SYCP2: variants seen among roughly 807,000 people sequenced by gnomAD.
The protein encoded by SYCP2 is synaptonemal complex protein 2, also known as synaptonemal complex lateral element protein.
A neutral mutation model predicts 211.3 loss-of-function variants in SYCP2; 55 were observed. That is an observed-to-expected ratio of 0.26 (90% CI 0.21 to 0.33). SYCP2 has a LOEUF of 0.33. Ranked by LOEUF, SYCP2 falls within the 10% of genes least tolerant of loss-of-function variation. The probability of loss-of-function intolerance (pLI) is 1.00; values close to 1 mark genes in which losing one functional copy is unlikely to be tolerated. For missense variants in SYCP2, 1,731 were observed against 1,752.0 expected (o/e 0.99, Z 0.21); for synonymous variants, 570 against 555.2 (o/e 1.03, Z -0.37).
Position 59,910,374 on chromosome 20 carries a change from A to ATTTTTTTTTTT in SYCP2, c.972+1365_972+1375dup, listed in dbSNP as rs898302276. ...GTATACTGCTATAGTGTAATTGCTT[A>ATTTTTTTTTTT]TTTTTTTTTTTTTTTTTTTTTTTTT... On this transcript the variant is annotated intron_variant, in intron 14 of 44. Coordinates refer to ENST00000357552, the MANE Select transcript of SYCP2 (RefSeq NM_014258.4). Among the ~76,000 whole-genome samples, 21 of 76,236 alleles carry ATTTTTTTTTTT rather than the reference A, an allele frequency of 2.8e-4. 2 individuals are homozygous for ATTTTTTTTTTT. Among genetic ancestry groups the ATTTTTTTTTTT allele is most frequent in the African/African-American group, 1.0e-3 (17 of 16,902 alleles). The allele number at this position is 76,236 out of a possible 152,430, so 50.0% of individuals were successfully genotyped here. A position where few individuals can be genotyped will look rare whatever the true frequency, so the allele number is the denominator to read the frequency against.
intron 37 of SYCP2, 34 bp from the exon 38 acceptor site, chr20:59,868,602 C>T (rs371782459): frequency 1.1e-5 from 17 of 1,538,288 alleles, no homozygotes; most frequent in Non-Finnish European, 1.5e-5. Context: ...AAAAGCGCTG[C>T]AATTTTCATT....
chr20:59,898,814 TA>T (rs1345714856), intron 18 of SYCP2, among the ~76,000 whole-genome samples: 2 of 151,812 alleles, frequency 1.3e-5, no homozygotes, highest in Non-Finnish European at 2.9e-5. Flanking sequence ...TTTAGATGGG[TA>T]AAGGTAAAAA....
intron 39 of SYCP2, among the ~76,000 whole-genome samples, chr20:59,867,105 C>CGGGGGGGGGGGGG (rs373444865): frequency 1.2e-3 from 4 of 3,464 alleles, no homozygotes; most frequent in Admixed American, 4.8e-3. Flanking sequence ...AGACTGGGGG[C>CGGGGGGGGGGGGG]GGGGGGGGGG....
chr20:59,930,913 TAC>T (rs1024092762), intron 2 of SYCP2, among the ~76,000 whole-genome samples: 4 of 152,186 alleles, frequency 2.6e-5, no homozygotes, highest in African/African-American at 7.2e-5. Context: ...TTTGAGTAAT[TAC>T]AGTTTTAACC....
At chr20:59,926,804 A>G (rs1041645055) in intron 2 of SYCP2, among the ~76,000 whole-genome samples, 1 of 151,916 alleles carries the variant, frequency 6.6e-6, no homozygotes, top group African/African-American at 2.4e-5. Context: ...AGAGCTAGTA[A>G]CCAGGGCAGC....
chr20:59,914,903 ATTAAGCTATTAAT>A lies in SYCP2; in HGVS notation c.634+249_634+261del, dbSNP rs970399345. On this transcript the variant is annotated intron_variant, in intron 10 of 44. Coordinates refer to ENST00000357552, the MANE Select transcript of SYCP2 (RefSeq NM_014258.4). ...TTAAGCTATTATATTAAGCTATTAAATTAAGCTATTAATTTAAGCTATTAAGCTATATTATTCA... is the reference window on the plus strand; with the variant it reads ...TTAAGCTATTATATTAAGCTATTAAATTAAGCTATTAAGCTATATTATTCA... 2.6e-5 allele frequency among the ~76,000 whole-genome samples: 4 copies of A among 151,990 alleles called. 1 individual carries two copies. In the South Asian group the frequency reaches 6.2e-4, roughly 24 times the overall value.
intron 15 of SYCP2, 45 bp downstream of exon 15, chr20:59,907,319 A>G: frequency 8.1e-7 from 1 of 1,233,582 alleles, no homozygotes; most frequent in South Asian, 1.3e-5. Flanking sequence ...TTTGTTCCAT[A>G]TGGTAAGAAT....
intron 22 of SYCP2, 147 bp from the exon 23 acceptor site, chr20:59,892,848 A>G: frequency 3.0e-6 from 2 of 670,306 alleles, no homozygotes; most frequent in Non-Finnish European, 2.3e-6. Flanking sequence ...GTTCTACTGT[A>G]TATTTATATT....
intron 19 of SYCP2, 148 bp from the exon 20 acceptor site, chr20:59,895,745 T>C (rs541667856): frequency 2.2e-6 from 2 of 893,886 alleles, no homozygotes; most frequent in African/African-American, 1.7e-5. Context: ...ATAGATGCCA[T>C]CTACCAAGAT....
intron 22 of SYCP2, 116 bp from the exon 23 acceptor site, chr20:59,892,817 G>T: frequency 2.2e-6 from 2 of 901,874 alleles, no homozygotes; most frequent in Non-Finnish European, 3.1e-6. Flanking sequence ...AAAATTATGT[G>T]GAAATTTATC....
At chr20:59,900,321 G>C in intron 17 of SYCP2, 37 bp from the exon 18 acceptor site, 1 of 1,517,836 alleles carries the variant, frequency 6.6e-7, no homozygotes, top group Non-Finnish European at 8.8e-7. Flanking sequence ...ATTTAAAACT[G>C]CAAACCACAG....
chr20:59,910,374 A>ATT (rs898302276), intron 14 of SYCP2, among the ~76,000 whole-genome samples: 2,911 of 76,210 alleles, frequency 0.038, 778 homozygotes, highest in African/African-American at 0.14. Flanking sequence ...GTAATTGCTT[A>ATT]TTTTTTTTTT....
chr20:59,921,580 GTAT>G (rs1228263099), intron 3 of SYCP2, 127 bp from the exon 4 acceptor site: 8 of 559,952 alleles, frequency 1.4e-5, no homozygotes, highest in Non-Finnish European at 2.2e-5. Flanking sequence ...ATTAATTCAC[GTAT>G]TTTTTAAAAA....
chr20:59,879,947 A>G (rs1224693667), intron 31 of SYCP2, among the ~76,000 whole-genome samples: 1 of 149,306 alleles, frequency 6.7e-6, no homozygotes, highest in Non-Finnish European at 1.5e-5. Context: ...TATATAGATT[A>G]GTGTCAAAGT....
At chr20:59,867,961 G>A (rs1434236666) in intron 38 of SYCP2, 114 bp from the exon 39 acceptor site, 2 of 692,030 alleles carry the variant, frequency 2.9e-6, no homozygotes, top group Non-Finnish European at 4.6e-6. Flanking sequence ...TGTAACCTAA[G>A]GATTATGAAA....
At chr20:59,926,653 T>C (rs946197544) in intron 2 of SYCP2, among the ~76,000 whole-genome samples, 9 of 152,124 alleles carry the variant, frequency 5.9e-5, no homozygotes, top group African/African-American at 1.9e-4. Context: ...CATATCTTTT[T>C]AGGGGAACAC....
Position 59,907,436 on chromosome 20 carries a change from AAGC to A in SYCP2, c.973-15_973-13del. The stretch of plus-strand genomic sequence containing the variant: ...TCCCATTGATGATCCTTAAATTTAA[AAGC>A]AGGTTTTGGCCATAAATAATTTATT... On this transcript the variant is annotated splice_polypyrimidine_tract_variant and intron_variant, in intron 14 of 44. Transcript: ENST00000357552. 1.2e-6 allele frequency: 2 copies of A among 1,607,130 alleles called. No homozygotes were observed. The highest frequency in any genetic ancestry group is 3.4e-5 in the Admixed American group (2 of 59,508).
intron 31 of SYCP2, among the ~76,000 whole-genome samples, chr20:59,879,876 CACAA>C (rs2059641989): frequency 1.4e-5 from 2 of 143,578 alleles, no homozygotes; most frequent in Non-Finnish European, 3.0e-5. Context: ...CACACACACA[CACAA>C]ACATATAAAT....
intron 2 of SYCP2, among the ~76,000 whole-genome samples, chr20:59,922,843 G>A (rs1043945529): frequency 6.6e-6 from 1 of 151,712 alleles, no homozygotes; most frequent in Non-Finnish European, 1.5e-5. Flanking sequence ...TGAAATTTGG[G>A]CTATTAATAT....
Sources: gnomAD v4.1 joint callset for allele counts (sites outside exome capture counted in the v4.1 genomes callset) on GRCh38, gnomAD v4.1.1 for gene constraint, MANE v1.5 for transcripts, NCBI Gene and HGNC (gene_info 2026-07-23, HGNC 2026-07-21) for gene names.